The following TCP11L2 variants were observed in gnomAD, a reference collection of about 807,000 sequenced individuals.
The protein encoded by TCP11L2 is T-complex protein 11-like protein 2.
A neutral mutation model predicts 50.7 loss-of-function variants in TCP11L2; 39 were observed. That is an observed-to-expected ratio of 0.77 (90% CI 0.60 to 1.01). The LOEUF (loss-of-function observed/expected upper bound fraction) is 1.01. Ranked by LOEUF, TCP11L2 falls within the 50% of genes least tolerant of loss-of-function variation. The probability of loss-of-function intolerance (pLI) is 0.00; values close to 1 mark genes in which losing one functional copy is unlikely to be tolerated. For missense variants in TCP11L2, 612 were observed against 614.7 expected (o/e 1.00, Z 0.05); for synonymous variants, 192 against 219.3 (o/e 0.88, Z 1.10).
intron 6 of TCP11L2, chr12:106,325,423 G>C (rs2035500963): frequency 6.6e-6 from 1 of 152,414 alleles, no homozygotes. Flanking sequence ...AGTCAGGAGA[G>C]GCGGGTGTCC....
chr12:106,325,217 C>G (rs1181990161), intron 6 of TCP11L2: 1 of 152,150 alleles, frequency 6.6e-6, no homozygotes, highest in Non-Finnish European at 1.5e-5. Flanking sequence ...AGGAGCTCAC[C>G]TAGGAAGGCA....
In TCP11L2 at chr12:106,329,462, C is replaced by T. The variant is rs185994861; in HGVS notation, c.772+5816C>T. 103 of 1,527,566 alleles carry T rather than the reference C, an allele frequency of 6.7e-5. 1 individual carries two copies. In the East Asian group the frequency reaches 1.9e-3, roughly 29 times the overall value. The allele number at this position is 1,527,566 out of a possible 1,614,324, so 94.6% of individuals were successfully genotyped here. A position where few individuals can be genotyped will look rare whatever the true frequency, so the allele number is the denominator to read the frequency against. On this transcript the variant is annotated intron_variant, in intron 6 of 9. Transcript: ENST00000299045. Reference sequence around the variant, plus strand: ...AGAAGAGCCAACGTTTCACTCTAAACGCATGCTCCTTCTGCTTTACCGGTC... The same window carrying T: ...AGAAGAGCCAACGTTTCACTCTAAATGCATGCTCCTTCTGCTTTACCGGTC...
chr12:106,304,660 A>G (rs538958618), intron 1 of TCP11L2, among the ~76,000 whole-genome samples: 1 of 152,320 alleles, frequency 6.6e-6, no homozygotes, highest in African/African-American at 2.4e-5. Flanking sequence ...GTGTTGAAGG[A>G]TGGTACACAC....
At chr12:106,303,423 C>T (rs1446474387) in intron 1 of TCP11L2, 1 of 152,374 alleles carries the variant, frequency 6.6e-6, no homozygotes, top group Non-Finnish European at 1.5e-5. Flanking sequence ...CCTCCGCCGT[C>T]CCCTCCCCCA....
chr12:106,333,838 C>T (rs1273812539), intron 6 of TCP11L2, among the ~76,000 whole-genome samples: 1 of 152,124 alleles, frequency 6.6e-6, no homozygotes, highest in African/African-American at 2.4e-5. Context: ...TAGCAGTGTT[C>T]TGTACTGGGC....
rs529956031 is a variant in TCP11L2, at chr12:106,326,456, G to C, written c.772+2810G>C. ...GCAGACAGCTGGTTTTGACCTTCCT[G>C]ATAGTTGGAGCTGTTTTAACTTTGG... is the stretch of plus-strand genomic sequence containing the variant. On this transcript the variant is annotated intron_variant, in intron 6 of 9. Coordinates refer to ENST00000299045, the MANE Select transcript of TCP11L2 (RefSeq NM_152772.3). 1.4e-4 allele frequency among the ~76,000 whole-genome samples: 22 copies of C among 152,280 alleles called. No individual in the cohort carries two copies. The South Asian group carries it at 3.9e-3, about 27-fold the overall frequency.
chr12:106,329,214 G>A, intron 6 of TCP11L2: 4 of 1,283,604 alleles, frequency 3.1e-6, no homozygotes, highest in Non-Finnish European at 4.3e-6. Context: ...TGCAGGGACT[G>A]TGCTTATTTA....
At chr12:106,338,021 T>C (rs2035976592) in intron 8 of TCP11L2, among the ~76,000 whole-genome samples, 1 of 152,180 alleles carries the variant, frequency 6.6e-6, no homozygotes, top group Non-Finnish European at 1.5e-5. Flanking sequence ...GACCAAGATG[T>C]CATTTATATT....
At chr12:106,330,042 T>C in intron 6 of TCP11L2, 1 of 985,460 alleles carries the variant, frequency 1.0e-6, no homozygotes, top group Non-Finnish European at 1.2e-6. Context: ...TTCTTGGCAA[T>C]TGTCACCTTA....
chr12:106,304,410 A>G (rs1049999525), intron 1 of TCP11L2: 3 of 152,304 alleles, frequency 2.0e-5, no homozygotes, highest in African/African-American at 7.2e-5. Context: ...GATGAAGACC[A>G]GTATTGTCTA....
intron 8 of TCP11L2, among the ~76,000 whole-genome samples, chr12:106,340,515 T>G (rs1304375673): frequency 6.6e-6 from 1 of 152,226 alleles, no homozygotes; most frequent in East Asian, 1.9e-4. Flanking sequence ...AATTGGTGTT[T>G]TCTGTCCCTT....
At chr12:106,304,011 C>G (rs537580427) in intron 1 of TCP11L2, 1 of 152,356 alleles carries the variant, frequency 6.6e-6, no homozygotes, top group East Asian at 1.9e-4. Context: ...GCTCTTCTTA[C>G]CTGCCAACGG....
At chr12:106,307,138 C>T (rs562355688) in intron 1 of TCP11L2, 1 of 152,256 alleles carries the variant, frequency 6.6e-6, no homozygotes, top group African/African-American at 2.4e-5. Flanking sequence ...TTCATTTATT[C>T]AACAATAAAT....
chr12:106,298,774 C>T (rs545573873), upstream of TCP11L2, among the ~76,000 whole-genome samples: 10 of 152,014 alleles, frequency 6.6e-5, no homozygotes, highest in East Asian at 1.9e-4. Context: ...CCACCTGCCT[C>T]GGCCTCCCAA....
At chr12:106,303,140 C>G (rs996064127) in intron 1 of TCP11L2, 199 bp downstream of exon 1, 1 of 152,222 alleles carries the variant, frequency 6.6e-6, no homozygotes, top group Non-Finnish European at 1.5e-5. Flanking sequence ...CCTCGAACTG[C>G]CGTCCCGCGT....
intron 6 of TCP11L2, among the ~76,000 whole-genome samples, chr12:106,328,501 G>C (rs978640106): frequency 6.6e-6 from 1 of 152,162 alleles, no homozygotes; most frequent in Non-Finnish European, 1.5e-5. Flanking sequence ...CCGAGATTGC[G>C]CCTCTGCACT....
At chr12:106,341,498 A>T (rs1033314814) in intron 9 of TCP11L2, among the ~76,000 whole-genome samples, 1 of 152,234 alleles carries the variant, frequency 6.6e-6, no homozygotes, top group Non-Finnish European at 1.5e-5. Flanking sequence ...AAAATGGATA[A>T]TGTATCAGTT....
intron 2 of TCP11L2, 124 bp from the exon 3 acceptor site, chr12:106,314,234 C>CT (rs1294877110): frequency 2.0e-6 from 2 of 989,758 alleles, no homozygotes; most frequent in South Asian, 1.9e-5. Flanking sequence ...AATATATAGT[C>CT]TCCTGACCTA....
At chr12:106,298,425 T>C (rs1460537491), upstream of TCP11L2, among the ~76,000 whole-genome samples, 1 of 152,198 alleles carries the variant, frequency 6.6e-6, no homozygotes, top group African/African-American at 2.4e-5. Context: ...ATTTTCCCCC[T>C]CACTGATTTT....
Sources: allele counts gnomAD v4.1 joint callset (sites outside exome capture counted in the v4.1 genomes callset), GRCh38; gene constraint gnomAD v4.1.1; transcripts MANE v1.5; gene names NCBI Gene and HGNC (gene_info 2026-07-23, HGNC 2026-07-21).